Variants in EXOC4 observed in about 807,000 individuals in gnomAD.
EXOC4 encodes exocyst complex component 4.
EXOC4 carries 71 observed loss-of-function variants against 107.2 expected under a neutral mutation model. The observed-to-expected ratio is 0.66, with a 90% CI of 0.55 to 0.81. EXOC4 has a LOEUF of 0.81. Ranked by LOEUF, EXOC4 falls within the 30% of genes least tolerant of loss-of-function variation. EXOC4 has a pLI of 0.00. For missense variants in EXOC4, 1,108 were observed against 1,189.6 expected, an observed-to-expected ratio of 0.93 and a Z score of 1.01; for synonymous variants, 456 against 441.2, an observed-to-expected ratio of 1.03 and a Z score of -0.42.
chr7:133,336,195 G>A (rs545784167), intron 5 of EXOC4, among the ~76,000 whole-genome samples: 3 of 152,176 alleles, frequency 2.0e-5, no homozygotes, highest in Admixed American at 6.5e-5. Context: ...TTGAATTTTC[G>A]TGTAGTCTAG....
chr7:134,011,275 C>T (rs935762667), intron 17 of EXOC4, among the ~76,000 whole-genome samples: 3 of 152,086 alleles, frequency 2.0e-5, no homozygotes, highest in Non-Finnish European at 4.4e-5. Flanking sequence ...TCTGAACGAA[C>T]GATGATTGGA....
rs142655231 is a variant in EXOC4, at chr7:133,829,157, C to T, written c.1734+11613C>T. On this transcript the variant is annotated intron_variant, in intron 11 of 17. Transcript: ENST00000253861. ...ACACAAAAGGTAAAACTGACCATCGCGTGTTCTTGAGACAGTGAGAGTCTA... is the reference window on the plus strand; with the variant it reads ...ACACAAAAGGTAAAACTGACCATCGTGTGTTCTTGAGACAGTGAGAGTCTA... Among the ~76,000 whole-genome samples, 3 of 152,136 alleles carry T rather than the reference C, an allele frequency of 2.0e-5. No homozygotes were observed. In the East Asian group the frequency reaches 5.8e-4, roughly 29 times the overall value.
intron 14 of EXOC4, among the ~76,000 whole-genome samples, chr7:133,992,268 T>C (rs1298619908): frequency 9.3e-6 from 1 of 107,854 alleles, no homozygotes; most frequent in Non-Finnish European, 1.9e-5. Flanking sequence ...CTAGAAATGC[T>C]ACTGGATTTT....
intron 9 of EXOC4, among the ~76,000 whole-genome samples, chr7:133,627,842 T>C (rs1301739064): frequency 6.6e-6 from 1 of 152,212 alleles, no homozygotes; most frequent in Non-Finnish European, 1.5e-5. Flanking sequence ...GTATTTTTTG[T>C]TATTCTTAAG....
intron 7 of EXOC4, among the ~76,000 whole-genome samples, chr7:133,431,093 A>G (rs1189009784): frequency 6.6e-6 from 1 of 152,228 alleles, no homozygotes; most frequent in Non-Finnish European, 1.5e-5. Context: ...AAGGTCACTA[A>G]GGGATTTAAT....
At chr7:134,041,824 G>A (rs975369002) in intron 17 of EXOC4, among the ~76,000 whole-genome samples, 1 of 152,084 alleles carries the variant, frequency 6.6e-6, no homozygotes, top group Non-Finnish European at 1.5e-5. Flanking sequence ...TGGATTTAAA[G>A]GGCTTATTCC....
chr7:133,921,090 G>A (rs139672675), intron 13 of EXOC4, among the ~76,000 whole-genome samples: 1 of 152,334 alleles, frequency 6.6e-6, no homozygotes, highest in African/African-American at 2.4e-5. Flanking sequence ...TGCAGAACAA[G>A]GAAAGTCAGT....
At chr7:133,566,281 C>T (rs935788354) in intron 9 of EXOC4, among the ~76,000 whole-genome samples, 1 of 152,004 alleles carries the variant, frequency 6.6e-6, no homozygotes, top group Non-Finnish European at 1.5e-5. Context: ...AGTCAGAAGC[C>T]AGTAATTAGA....
chr7:133,345,363 T>G (rs994880560), intron 5 of EXOC4, among the ~76,000 whole-genome samples: 4 of 152,152 alleles, frequency 2.6e-5, no homozygotes, highest in African/African-American at 7.2e-5. Context: ...TCTTGCCATC[T>G]CCCTGAGTAA....
intron 14 of EXOC4, among the ~76,000 whole-genome samples, chr7:133,938,957 CACACCTGGTCTCAA>C (rs1223951801): frequency 1.3e-5 from 2 of 152,176 alleles, no homozygotes; most frequent in Non-Finnish European, 2.9e-5. Flanking sequence ...TGTGCACCAC[CACACCTGGTCTCAA>C]ACTCCTGGGC....
chr7:133,897,536 A>G (rs896497527), intron 12 of EXOC4, among the ~76,000 whole-genome samples: 1 of 152,158 alleles, frequency 6.6e-6, no homozygotes, highest in South Asian at 2.1e-4. Flanking sequence ...GCATAAAAAT[A>G]TATTTCATTA....
At chr7:133,563,578 T>G (rs1291044851) in intron 9 of EXOC4, among the ~76,000 whole-genome samples, 1 of 152,116 alleles carries the variant, frequency 6.6e-6, no homozygotes, top group Non-Finnish European at 1.5e-5. Context: ...AAGCACCTGT[T>G]AAGAGTTGAA....
chr7:133,546,584 A>G (rs1297417466), intron 9 of EXOC4, among the ~76,000 whole-genome samples: 2 of 152,124 alleles, frequency 1.3e-5, no homozygotes, highest in Non-Finnish European at 2.9e-5. Context: ...GAGTTTTGAC[A>G]AATGTATACA....
chr7:134,048,356 G>C (rs1034853064), intron 17 of EXOC4, among the ~76,000 whole-genome samples: 1 of 152,154 alleles, frequency 6.6e-6, no homozygotes, highest in African/African-American at 2.4e-5. Context: ...GGTTTGTTTT[G>C]AGAAAGTGCT....
chr7:133,450,429 C>T (rs1204980929), intron 7 of EXOC4, among the ~76,000 whole-genome samples: 2 of 152,172 alleles, frequency 1.3e-5, no homozygotes, highest in Non-Finnish European at 2.9e-5. Flanking sequence ...TCCCAAAGTA[C>T]TGGGATTACA....
intron 9 of EXOC4, among the ~76,000 whole-genome samples, chr7:133,520,148 A>C (rs1474869351): frequency 2.0e-5 from 3 of 152,242 alleles, no homozygotes; most frequent in Non-Finnish European, 2.9e-5. Context: ...ATAAAATTAA[A>C]AGCCAAAAAA....
chr7:133,363,507 T>C (rs1796177659), intron 6 of EXOC4, among the ~76,000 whole-genome samples: 1 of 152,042 alleles, frequency 6.6e-6, no homozygotes, highest in South Asian at 2.1e-4. Flanking sequence ...TTGTGTATTG[T>C]CCTTTGGTTA....
At chr7:134,096,543 G>C in the EXOC4 span, among the ~76,000 whole-genome samples, 1 of 152,184 alleles carries the variant, frequency 6.6e-6, no homozygotes, top group Non-Finnish European at 1.5e-5. Context: ...GCAAGCTGAG[G>C]AGCAGGGAAG....
intron 14 of EXOC4, among the ~76,000 whole-genome samples, chr7:133,953,054 T>G (rs1800729227): frequency 1.3e-5 from 2 of 152,234 alleles, no homozygotes. Flanking sequence ...TTAGATGTAC[T>G]GCACGTCTTT....
Sources: gnomAD v4.1 joint callset for allele counts (sites outside exome capture counted in the v4.1 genomes callset) on GRCh38, gnomAD v4.1.1 for gene constraint, MANE v1.5 for transcripts, NCBI Gene and HGNC (gene_info 2026-07-23, HGNC 2026-07-21) for gene names.